Variants in PRC1 observed in about 807,000 individuals in gnomAD.
The protein encoded by PRC1 is protein regulator of cytokinesis 1.
A neutral mutation model predicts 91.2 loss-of-function variants in PRC1; 54 were observed. That is an observed-to-expected ratio of 0.59 (90% CI 0.48 to 0.74). The LOEUF (loss-of-function observed/expected upper bound fraction) is 0.74. Ranked by LOEUF, PRC1 falls within the 30% of genes least tolerant of loss-of-function variation. The probability of loss-of-function intolerance (pLI) is 0.00; values close to 1 mark genes in which losing one functional copy is unlikely to be tolerated. For synonymous variants in PRC1, 275 were observed against 263.6 expected (o/e 1.04, Z -0.42); for missense variants, 727 against 746.2 (o/e 0.97, Z 0.30).
intron 6 of PRC1, 121 bp from the exon 7 acceptor site, chr15:90,980,510 CACT>C: frequency 1.3e-6 from 1 of 758,082 alleles, no homozygotes; most frequent in Non-Finnish European, 2.0e-6. Context: ...TATAAATCAA[CACT>C]TTTTTTTTTT....
In PRC1 at chr15:90,969,043, T is replaced by G. The variant is rs780201947; in HGVS notation, c.1791+36A>C. 12 of 1,613,632 alleles carry G rather than the reference T, an allele frequency of 7.4e-6. No homozygotes were observed. In the South Asian group the frequency reaches 1.2e-4, roughly 16 times the overall value. ...ATGAAGCCAGCAGATGACAGATCAG[T>G]TTGGAAAAGGGACATGCAGGGATTG... On this transcript the variant is annotated intron_variant, in intron 14 of 14. Coordinates refer to ENST00000394249, the MANE Select transcript of PRC1 (RefSeq NM_003981.4).
At chr15:90,969,775 T>A in intron 12 of PRC1, 152 bp from the exon 13 acceptor site, 1 of 49,938 alleles carries the variant, frequency 2.0e-5, no homozygotes, top group Non-Finnish European at 2.8e-5. Flanking sequence ...TATATATATA[T>A]ATATATATAT....
At position 90,974,447 on chromosome 15, in the gene PRC1, C is replaced by T. The variant is rs1010703437; in HGVS notation, c.1350+138G>A. ...GTCCCCGGCTCCCCGTTCCACAAGCCCCGGTCCCCGGCTTCCCGTTCCACA... is the reference window on the plus strand; with the variant it reads ...GTCCCCGGCTCCCCGTTCCACAAGCTCCGGTCCCCGGCTTCCCGTTCCACA... On this transcript the variant is annotated intron_variant, in intron 10 of 14. Transcript: ENST00000394249. The surrounding 1 kb of genome is among the most constrained non-coding windows in gnomAD (Gnocchi z 4.6). 28 of 1,332,132 alleles carry T rather than the reference C, an allele frequency of 2.1e-5. No individual in the cohort carries two copies. In the Middle Eastern group the frequency reaches 6.2e-4, roughly 30 times the overall value. The allele number at this position is 1,332,132 out of a possible 1,614,324, so 82.5% of individuals were successfully genotyped here.
At chr15:90,986,144 T>C (rs1401286883) in intron 1 of PRC1, 1 of 152,226 alleles carries the variant, frequency 6.6e-6, no homozygotes, top group Non-Finnish European at 1.5e-5. Context: ...GCAGTCTATC[T>C]ACTAAAGCTG....
Position 90,967,054 on chromosome 15 carries a change from A to G in PRC1, c.*77T>C, listed in dbSNP as rs1481906892. 2.2e-6 allele frequency: 3 copies of G among 1,373,082 alleles called. No homozygotes were observed. Among genetic ancestry groups the G allele is most frequent in the South Asian group, 1.2e-5 (1 of 84,098 alleles). The allele number at this position is 1,373,082 out of a possible 1,614,324, so 85.1% of individuals were successfully genotyped here. On this transcript the variant is annotated 3_prime_UTR_variant, in exon 15 of 15. Coordinates refer to ENST00000394249, the MANE Select transcript of PRC1 (RefSeq NM_003981.4). ...GTTTCAAGCACGCCTAAGCTGAAGAAAAACTAAAGTCACCCCCATATAATT... is the reference window on the plus strand; with the variant it reads ...GTTTCAAGCACGCCTAAGCTGAAGAGAAACTAAAGTCACCCCCATATAATT...
intron 1 of PRC1, among the ~76,000 whole-genome samples, chr15:90,993,319 C>T (rs2040092771): frequency 6.6e-6 from 1 of 151,010 alleles, no homozygotes; most frequent in African/African-American, 2.4e-5. Flanking sequence ...AGCGATTCTC[C>T]TGCCTCAGCC....
At chr15:90,991,272 T>C (rs975391869) in intron 1 of PRC1, among the ~76,000 whole-genome samples, 2 of 151,286 alleles carry the variant, frequency 1.3e-5, no homozygotes, top group African/African-American at 2.4e-5. Context: ...AAAAATTAGC[T>C]GGGCGTGGTA....
rs2037533289 is a variant in PRC1, at chr15:90,966,806, A to C, written c.*325T>G. The C allele has an allele frequency of 6.7e-6, 3 of 445,928 alleles. No homozygotes were observed. The Admixed American group carries it at 9.8e-5, about 15-fold the overall frequency. 27.6% of individuals were successfully genotyped at this position (445,928 alleles called of 1,614,324 possible). ...GATGGGCATAGTCAATCATTTTCCTACAGTGGTGAAATAAAACAAGCTTTG... is the reference window on the plus strand; with the variant it reads ...GATGGGCATAGTCAATCATTTTCCTCCAGTGGTGAAATAAAACAAGCTTTG... On this transcript the variant is annotated 3_prime_UTR_variant, in exon 15 of 15. Coordinates refer to ENST00000394249, the MANE Select transcript of PRC1 (RefSeq NM_003981.4).
At chr15:90,969,772 A>ATG (rs2037921636) in intron 12 of PRC1, 149 bp from the exon 13 acceptor site, 1 of 48,316 alleles carries the variant, frequency 2.1e-5, no homozygotes, top group African/African-American at 2.6e-4. Flanking sequence ...ACATATATAT[A>ATG]TATATATATA....
At chr15:90,979,342 G>A (rs892391992) in intron 7 of PRC1, 48 bp from the exon 8 acceptor site, 1 of 1,561,848 alleles carries the variant, frequency 6.4e-7, no homozygotes, top group Non-Finnish European at 8.7e-7. Flanking sequence ...CTAGTATTTA[G>A]TATCCAATTT....
intron 11 of PRC1, among the ~76,000 whole-genome samples, chr15:90,973,450 G>T (rs1156391266): frequency 1.3e-5 from 2 of 152,186 alleles, no homozygotes; most frequent in Non-Finnish European, 2.9e-5. Flanking sequence ...GTATTTCCCC[G>T]CACTGAGACA....
chr15:90,966,978 A>C lies in PRC1; in HGVS notation c.*153T>G, dbSNP rs2037549098. 1.5e-6 allele frequency: 1 copy of C among 668,928 alleles called. No individual in the cohort carries two copies. Among genetic ancestry groups the C allele is most frequent in the African/African-American group, 1.8e-5 (1 of 55,332 alleles). 41.4% of individuals were successfully genotyped at this position (668,928 alleles called of 1,614,324 possible). On this transcript the variant is annotated 3_prime_UTR_variant, in exon 15 of 15. Coordinates refer to ENST00000394249, the MANE Select transcript of PRC1 (RefSeq NM_003981.4). ...AACCTATGATGGGCTTTCAACTGTA[A>C]CACTCATTCACATCTTTAAGTTAGG...
chr15:90,967,808 C>T (rs1008122572), intron 14 of PRC1: 2 of 977,396 alleles, frequency 2.0e-6, no homozygotes, highest in Admixed American at 6.2e-5. Context: ...ATTCTCAGAA[C>T]ATATCCCTGT....
At chr15:90,972,070 G>C (rs2151445886) in intron 11 of PRC1, among the ~76,000 whole-genome samples, 1 of 151,652 alleles carries the variant, frequency 6.6e-6, no homozygotes, top group Middle Eastern at 3.4e-3. Context: ...GCCAGGCACA[G>C]TGGCTCATGC....
intron 9 of PRC1, among the ~76,000 whole-genome samples, chr15:90,975,150 G>T: frequency 6.6e-6 from 1 of 152,184 alleles, no homozygotes; most frequent in East Asian, 1.9e-4. Flanking sequence ...CTGTCGCCCA[G>T]GCTAGAGTGC....
Position 90,967,157 on chromosome 15 carries a change from G to C in PRC1, c.1837C>G (p.Leu613Val). 6.2e-7 allele frequency: 1 copy of C among 1,614,126 alleles called. No homozygotes were observed. The highest frequency in any genetic ancestry group is 8.5e-7 in the Non-Finnish European group (1 of 1,179,964). ...ASKSDATSGI[L>V]NSTNIQS ...CAGGACTGGATGTTGGTTGAATTGA[G>C]GATTCCAGAAGTAGCATCAGATTTG... is the stretch of plus-strand genomic sequence containing the variant. Residue 613 changes from leucine (L) to valine (V), a missense_variant, in exon 15 of 15, where the codon CTC becomes GTC. By Grantham distance (32) the Leu-to-Val change is conservative. Transcript: ENST00000394249.
chr15:90,968,871 G>A, intron 14 of PRC1: 1 of 1,377,936 alleles, frequency 7.3e-7, no homozygotes, highest in Non-Finnish European at 9.4e-7. Flanking sequence ...TAGGGGCTGA[G>A]AATCCAATTC....
In PRC1 at chr15:90,980,398, A is replaced by G. The variant is rs2039083095; in HGVS notation, c.823-9T>C. On this transcript the variant is annotated splice_polypyrimidine_tract_variant and intron_variant, in intron 6 of 14. Transcript: ENST00000394249. ...TCCACTTCTAATTGCAGCTGAAAGA[A>G]AGAAACTTGTTAAGGGTGGCTGCCA... 1 of 1,612,190 alleles carries G rather than the reference A, an allele frequency of 6.2e-7. No individual in the cohort carries two copies. The highest frequency in any genetic ancestry group is 2.2e-5 in the East Asian group (1 of 44,892).
chr15:90,966,260 A>G lies in PRC1; in HGVS notation c.*871T>C, dbSNP rs778214391. The G allele has an allele frequency of 1.2e-4, 26 of 214,286 alleles. No homozygotes were observed. Among genetic ancestry groups the G allele is most frequent in the Non-Finnish European group, 2.1e-4 (22 of 103,086 alleles). 13.3% of individuals were successfully genotyped at this position (214,286 alleles called of 1,614,324 possible). On this transcript the variant is annotated 3_prime_UTR_variant, in exon 15 of 15. Transcript: ENST00000394249. ...CAAGAAGAGTAGTGATTGAGAGGATAGGTAAAGAGGGCGCCTCATCGTGGA... is the reference window on the plus strand; with the variant it reads ...CAAGAAGAGTAGTGATTGAGAGGATGGGTAAAGAGGGCGCCTCATCGTGGA...
Sources: gnomAD v4.1 joint callset for allele counts (sites outside exome capture counted in the v4.1 genomes callset) on GRCh38, gnomAD v4.1.1 for gene constraint, Gnocchi (gnomAD v3.1) non-coding constraint, MANE v1.5 for transcripts, NCBI Gene and HGNC (gene_info 2026-07-23, HGNC 2026-07-21) for gene names.